Variants in TXNRD3 observed in about 807,000 individuals in gnomAD.
TXNRD3 encodes the protein TXNRD3 neighbor gene protein.
Under a neutral mutation model 78.2 loss-of-function variants are expected in TXNRD3, and 68 were observed. That is an observed-to-expected ratio of 0.87 (90% confidence interval 0.72 to 1.06). TXNRD3 has a LOEUF of 1.06. TXNRD3 is among the 50% of genes least tolerant of loss of function. The pLI is 0.00. For missense variants in TXNRD3, 751 were observed against 809.5 expected (o/e 0.93, Z 0.88); for synonymous variants, 296 against 300.1 (o/e 0.99, Z 0.14).
chr3:126,625,286 C>G (rs553030368), intron 10 of TXNRD3: 1 of 140,708 alleles, frequency 7.1e-6, no homozygotes, highest in East Asian at 2.2e-4. Context: ...GGTATATCTC[C>G]TAATGCTATC....
chr3:126,624,906 T>C, intron 10 of TXNRD3: 1 of 213,810 alleles, frequency 4.7e-6, no homozygotes, highest in Non-Finnish European at 1.0e-5. Flanking sequence ...AACTGCAATG[T>C]TAGGAGCCAG....
intron 5 of TXNRD3, among the ~76,000 whole-genome samples, 190 bp from the exon 6 acceptor site, chr3:126,642,341 G>T (rs539319946): frequency 4.9e-4 from 75 of 152,302 alleles, no homozygotes; most frequent in African/African-American, 1.8e-3. Context: ...CCAAAGATGA[G>T]TAAAAATACA....
chr3:126,645,649 C>T (rs1371729844), intron 3 of TXNRD3, among the ~76,000 whole-genome samples: 2 of 152,010 alleles, frequency 1.3e-5, no homozygotes, highest in African/African-American at 4.8e-5. Flanking sequence ...ATTTAATAAA[C>T]AATTTTTATC....
At chr3:126,628,296 C>G (rs1450717591) in intron 10 of TXNRD3, among the ~76,000 whole-genome samples, 1 of 152,038 alleles carries the variant, frequency 6.6e-6, no homozygotes, top group African/African-American at 2.4e-5. Context: ...AGAGTGCCTG[C>G]TATTGCCATT....
intron 13 of TXNRD3, among the ~76,000 whole-genome samples, chr3:126,612,142 G>T (rs974467583): frequency 6.6e-6 from 1 of 152,022 alleles, no homozygotes; most frequent in Admixed American, 6.6e-5. Flanking sequence ...AGGTTCGAGC[G>T]ATCCTCCTGC....
chr3:126,621,641 A>G (rs2107614142), intron 12 of TXNRD3, 101 bp downstream of exon 12: 2 of 1,140,502 alleles, frequency 1.8e-6, no homozygotes, highest in East Asian at 2.6e-5. Flanking sequence ...ATCTCTGAGG[A>G]ACCCTTTACT....
chr3:126,618,304 C>T (rs1194383153), intron 12 of TXNRD3, among the ~76,000 whole-genome samples: 1 of 152,138 alleles, frequency 6.6e-6, no homozygotes, highest in African/African-American at 2.4e-5. Flanking sequence ...AGGCATTACA[C>T]TACCTGATTT....
intron 6 of TXNRD3, among the ~76,000 whole-genome samples, chr3:126,636,954 T>A (rs1938877519): frequency 6.6e-6 from 1 of 151,804 alleles, no homozygotes; most frequent in Admixed American, 6.6e-5. Context: ...TCATCAGCTA[T>A]TGTTAGTGTA....
rs574139898 is a variant in TXNRD3 at position 126,642,519 on chromosome 3, T to C, written c.593-368A>G. The stretch of plus-strand genomic sequence containing the variant: ...ATAACTCTGACTCCTCGGAGCCACG[T>C]TGTCAACTGCAAGCTGCCTGGTCAC... On this transcript the variant is annotated intron_variant, in intron 5 of 15. Coordinates refer to ENST00000524230, the MANE Select transcript of TXNRD3 (RefSeq NM_052883.3). Among the ~76,000 whole-genome samples, 3 of 152,338 alleles carry C rather than the reference T, an allele frequency of 2.0e-5. No individual in the cohort carries two copies. In the East Asian group the frequency reaches 5.8e-4, roughly 29 times the overall value.
intron 12 of TXNRD3, among the ~76,000 whole-genome samples, chr3:126,621,226 C>A (rs142076705): frequency 4.4e-4 from 67 of 152,276 alleles, no homozygotes; most frequent in African/African-American, 1.6e-3. Flanking sequence ...TTGGCTTTGT[C>A]GATGATGAAA....
At chr3:126,623,551 T>C (rs751500194) in intron 10 of TXNRD3, among the ~76,000 whole-genome samples, 4 of 152,108 alleles carry the variant, frequency 2.6e-5, no homozygotes, top group Non-Finnish European at 4.4e-5. Flanking sequence ...CATACAAAAA[T>C]CCATCAATGT....
chr3:126,628,371 G>T (rs1367993560), intron 10 of TXNRD3, among the ~76,000 whole-genome samples: 6 of 151,946 alleles, frequency 3.9e-5, no homozygotes, highest in Admixed American at 1.3e-4. Context: ...GAGAAAACCA[G>T]TAAAAAGGAA....
intron 14 of TXNRD3, among the ~76,000 whole-genome samples, chr3:126,610,588 T>G (rs1397854135): frequency 6.6e-6 from 1 of 152,198 alleles, no homozygotes; most frequent in East Asian, 1.9e-4. Context: ...ACACATTCAG[T>G]CTGTTTATAA....
At chr3:126,639,115 C>A (rs1035162657) in intron 6 of TXNRD3, among the ~76,000 whole-genome samples, 1 of 152,232 alleles carries the variant, frequency 6.6e-6, no homozygotes, top group Non-Finnish European at 1.5e-5. Context: ...GGCTTCTCCC[C>A]TCTTGGACTC....
chr3:126,633,428 C>T (rs959926629), intron 7 of TXNRD3, among the ~76,000 whole-genome samples: 1 of 152,064 alleles, frequency 6.6e-6, no homozygotes, highest in African/African-American at 2.4e-5. Flanking sequence ...GTTTGTGTTC[C>T]TCAAAATGAT....
intron 1 of TXNRD3, among the ~76,000 whole-genome samples, chr3:126,654,051 T>G (rs925851300): frequency 1.3e-5 from 2 of 151,588 alleles, no homozygotes; most frequent in Non-Finnish European, 2.9e-5. Context: ...AAATTTTGCA[T>G]AGTGGTTAAC....
rs559810113 is a variant in TXNRD3 at position 126,613,958 on chromosome 3, T to C, written c.1632+1397A>G. The stretch of plus-strand genomic sequence containing the variant: ...TATCCAGAAGAAGGCATTGTCATCA[T>C]AGGAGGTGACAGCTCCATGTGTGTT... On this transcript the variant is annotated intron_variant, in intron 13 of 15. Transcript: ENST00000524230. Among the ~76,000 whole-genome samples, 7 of 152,356 alleles carry C rather than the reference T, an allele frequency of 4.6e-5. No individual in the cohort carries two copies. The South Asian group carries it at 1.0e-3, about 23-fold the overall frequency.
At chr3:126,643,810 T>G (rs532922985) in intron 5 of TXNRD3, among the ~76,000 whole-genome samples, 171 bp downstream of exon 5, 1 of 152,268 alleles carries the variant, frequency 6.6e-6, no homozygotes, top group African/African-American at 2.4e-5. Flanking sequence ...CCTCTCAAAG[T>G]GCTGGGATTT....
intron 10 of TXNRD3, chr3:126,625,762 T>C (rs1938566572): frequency 6.6e-6 from 1 of 152,230 alleles, no homozygotes; most frequent in African/African-American, 2.4e-5. Flanking sequence ...CTAGTTACAG[T>C]CCCACCAACA....
Sources: gnomAD v4.1 joint callset for allele counts (sites outside exome capture counted in the v4.1 genomes callset) on GRCh38, gnomAD v4.1.1 for gene constraint, MANE v1.5 for transcripts, NCBI Gene and HGNC (gene_info 2026-07-23, HGNC 2026-07-21) for gene names.